Variants in SNX29 observed in about 807,000 individuals in gnomAD.
SNX29 encodes the protein sorting nexin-29.
SNX29 carries 78 observed loss-of-function variants against 102.1 expected under a neutral mutation model. The observed-to-expected ratio is 0.76, with a 90% CI of 0.64 to 0.92. SNX29 has a LOEUF of 0.92. SNX29 is among the 40% of genes least tolerant of loss of function. The pLI, the probability that SNX29 is intolerant of heterozygous loss-of-function variation, is 0.00. For synonymous variants in SNX29, 580 were observed against 414.5 expected (o/e 1.40, Z -4.85); for missense variants, 1,280 against 1,061.7 (o/e 1.21, Z -2.86).
At chr16:12,360,689 G>A (rs2082276572) in intron 16 of SNX29, among the ~76,000 whole-genome samples, 1 of 149,034 alleles carries the variant, frequency 6.7e-6, no homozygotes, top group Non-Finnish European at 1.5e-5. Context: ...TGCAGTCCCT[G>A]ACTGAGTTTG....
chr16:12,433,538 G>C (rs2085400102), intron 18 of SNX29, among the ~76,000 whole-genome samples: 1 of 150,398 alleles, frequency 6.6e-6, no homozygotes, highest in Non-Finnish European at 1.5e-5. Flanking sequence ...GGCTGAGGCA[G>C]AAGAATCGCT....
At chr16:12,267,577 GC>G (rs2078965487) in intron 14 of SNX29, among the ~76,000 whole-genome samples, 1 of 152,204 alleles carries the variant, frequency 6.6e-6, no homozygotes, top group African/African-American at 2.4e-5. Context: ...CAAGACCATG[GC>G]AGGGCACTGG....
At chr16:12,298,003 C>T (rs1250125695) in intron 15 of SNX29, among the ~76,000 whole-genome samples, 1 of 152,170 alleles carries the variant, frequency 6.6e-6, no homozygotes, top group Non-Finnish European at 1.5e-5. Flanking sequence ...AAGCCTGTCT[C>T]TACTAAAAAT....
At chr16:12,532,756 A>G (rs2076965958) in intron 20 of SNX29, among the ~76,000 whole-genome samples, 1 of 152,204 alleles carries the variant, frequency 6.6e-6, no homozygotes, top group Non-Finnish European at 1.5e-5. Flanking sequence ...AGCTGGGGAC[A>G]GGGCAGGAGC....
intron 13 of SNX29, among the ~76,000 whole-genome samples, chr16:12,159,554 T>C (rs903170374): frequency 8.5e-5 from 13 of 152,094 alleles, no homozygotes; most frequent in Non-Finnish European, 1.8e-4. Context: ...ATTTCACAAG[T>C]AGGAGAATAG....
chr16:12,570,157 C>T lies in SNX29; in HGVS notation c.*1528C>T, dbSNP rs1378309712. On this transcript the variant is annotated 3_prime_UTR_variant, in exon 21 of 21. Coordinates refer to ENST00000566228, the MANE Select transcript of SNX29 (RefSeq NM_032167.5). The stretch of plus-strand genomic sequence containing the variant: ...GAAGGCTGAGATCACTCACACACAG[C>T]GCCCCCCCACCCCAGAGAAACCGAG... The T allele has an allele frequency of 1.2e-5, 13 of 1,063,876 alleles. No individual in the cohort carries two copies. The highest frequency in any genetic ancestry group is 1.4e-5 in the Non-Finnish European group (12 of 878,250). 65.9% of individuals were successfully genotyped at this position (1,063,876 alleles called of 1,614,324 possible). A position where few individuals can be genotyped will look rare whatever the true frequency, so the allele number is the denominator to read the frequency against.
intron 6 of SNX29, among the ~76,000 whole-genome samples, chr16:12,046,865 C>T (rs780550528): frequency 1.3e-5 from 2 of 152,174 alleles, no homozygotes; most frequent in Non-Finnish European, 2.9e-5. Flanking sequence ...GTGATCCACC[C>T]GCCTTGGCCT....
At chr16:12,011,911 T>C (rs1174390532) in intron 3 of SNX29, among the ~76,000 whole-genome samples, 1 of 152,172 alleles carries the variant, frequency 6.6e-6, no homozygotes, top group African/African-American at 2.4e-5. Flanking sequence ...TGTAATAATA[T>C]TTGCTTGGTA....
At chr16:12,365,392 T>C (rs1194191159) in intron 16 of SNX29, among the ~76,000 whole-genome samples, 2 of 150,916 alleles carry the variant, frequency 1.3e-5, no homozygotes, top group Non-Finnish European at 3.0e-5. Flanking sequence ...ATGGTGTTTA[T>C]GTCAGGCTCT....
rs1249352613 is a variant in SNX29 at position 12,016,912 on chromosome 16, A to C, written c.123-10408A>C. Among the ~76,000 whole-genome samples the C allele has an allele frequency of 5.9e-5, 9 of 152,208 alleles. No homozygotes were observed. In the East Asian group the frequency reaches 1.2e-3, roughly 20 times the overall value. On this transcript the variant is annotated intron_variant, in intron 3 of 20. Coordinates refer to ENST00000566228, the MANE Select transcript of SNX29 (RefSeq NM_032167.5). The stretch of plus-strand genomic sequence containing the variant: ...GAGGCCAGGGCAGGAGGATTGCTTA[A>C]GCCCAGGAGTTACAGACCAGCCTGG...
intron 12 of SNX29, among the ~76,000 whole-genome samples, chr16:12,129,026 TG>T (rs2054340798): frequency 6.6e-6 from 1 of 152,214 alleles, no homozygotes. Context: ...AACTTGGGAA[TG>T]TAAAATGCTA....
chr16:12,310,159 T>C (rs1960156), intron 15 of SNX29, among the ~76,000 whole-genome samples: 122,662 of 152,202 alleles, frequency 0.81, 50,124 homozygotes, highest in African/African-American at 0.94. Flanking sequence ...AGTTGACATA[T>C]GGTGTTTACC....
chr16:12,312,299 G>T (rs186329808), intron 15 of SNX29, among the ~76,000 whole-genome samples: 1 of 152,188 alleles, frequency 6.6e-6, no homozygotes, highest in Non-Finnish European at 1.5e-5. Context: ...TTTAGTCAGG[G>T]CTTGCTCCTC....
chr16:12,538,513 G>A (rs1328553893), intron 20 of SNX29, among the ~76,000 whole-genome samples: 1 of 152,180 alleles, frequency 6.6e-6, no homozygotes, highest in African/African-American at 2.4e-5. Context: ...GTTGGTATGT[G>A]ATAACATATT....
rs532769590 is a variant in SNX29 at position 12,031,770 on chromosome 16, A to C, written c.247+4326A>C. ...CAGTGAGCCGAGATCGCGCCACTGCACTCCAGCCTGGGCAACAGAGTGAGA... is the reference window on the plus strand; with the variant it reads ...CAGTGAGCCGAGATCGCGCCACTGCCCTCCAGCCTGGGCAACAGAGTGAGA... On this transcript the variant is annotated intron_variant, in intron 4 of 20. Transcript: ENST00000566228. Among the ~76,000 whole-genome samples, 7 of 152,108 alleles carry C rather than the reference A, an allele frequency of 4.6e-5. No homozygotes were observed. The East Asian group carries it at 1.4e-3, about 30-fold the overall frequency.
At chr16:12,020,855 C>T (rs547612063) in intron 3 of SNX29, among the ~76,000 whole-genome samples, 1 of 152,110 alleles carries the variant, frequency 6.6e-6, no homozygotes, top group Non-Finnish European at 1.5e-5. Context: ...AACTCCTGAC[C>T]TCAGGTGATC....
At chr16:12,425,579 G>T (rs1229099134) in intron 18 of SNX29, among the ~76,000 whole-genome samples, 2 of 150,984 alleles carry the variant, frequency 1.3e-5, no homozygotes, top group Non-Finnish European at 2.9e-5. Context: ...GAAAACAGAG[G>T]CAGGGTGGGA....
chr16:12,046,356 C>T (rs185932568), intron 5 of SNX29, 28 bp from the exon 6 acceptor site: 70 of 1,611,378 alleles, frequency 4.3e-5, no homozygotes, highest in South Asian at 1.3e-4. Context: ...CTGCTAAGAA[C>T]GATTTCCTTT....
Position 12,572,386 on chromosome 16 carries a change from C to T in SNX29, c.*3757C>T. 1 of 1,063,086 alleles carries T rather than the reference C, an allele frequency of 9.4e-7. No individual in the cohort carries two copies. Among genetic ancestry groups the T allele is most frequent in the Non-Finnish European group, 1.1e-6 (1 of 877,850 alleles). 65.9% of individuals were successfully genotyped at this position (1,063,086 alleles called of 1,614,324 possible). ...TCTGCCTTCTGGAGGCGGCTTATAT[C>T]CCAACAGCCTGAGGCAGGGCTCTGT... On this transcript the variant is annotated 3_prime_UTR_variant, in exon 21 of 21. Transcript: ENST00000566228.
Sources: gnomAD v4.1 joint callset for allele counts (sites outside exome capture counted in the v4.1 genomes callset) on GRCh38, gnomAD v4.1.1 for gene constraint, MANE v1.5 for transcripts, NCBI Gene and HGNC (gene_info 2026-07-23, HGNC 2026-07-21) for gene names.